Variants in CENPN observed in about 807,000 individuals in gnomAD.
CENPN encodes the protein centromere protein N, also known as interphase centromere complex protein 32.
A neutral mutation model predicts 48.6 loss-of-function variants in CENPN; 36 were observed. The ratio of observed to expected loss-of-function variants is 0.74; its 90% CI spans 0.57 to 0.98. The LOEUF (loss-of-function observed/expected upper bound fraction) is 0.98, where lower values mean the gene tolerates loss of function less well. Among genes scored for constraint, CENPN ranks in the 50% least tolerant of loss-of-function variants. The pLI, the probability that CENPN is intolerant of heterozygous loss-of-function variation, is 0.00. For synonymous variants in CENPN, 166 were observed against 135.2 expected (o/e 1.23, Z -1.58); for missense variants, 439 against 399.2 (o/e 1.10, Z -0.85).
intron 1 of CENPN, among the ~76,000 whole-genome samples, chr16:81,007,656 A>G (rs3826049): frequency 0.021 from 3,135 of 152,162 alleles, 179 homozygotes; most frequent in East Asian, 0.2. Flanking sequence ...TTGTCCCTGT[A>G]CCCTCTTGCG....
intron 3 of CENPN, among the ~76,000 whole-genome samples, chr16:81,016,560 G>A (rs976068172): frequency 3.9e-5 from 6 of 152,158 alleles, no homozygotes; most frequent in Non-Finnish European, 5.9e-5. Context: ...TCAGGAGTTC[G>A]ACACTAACCT....
In CENPN at chr16:81,020,206, A is replaced by G; in HGVS notation, c.461A>G (p.Tyr154Cys). 6.2e-7 allele frequency: 1 copy of G among 1,614,144 alleles called. No homozygotes were observed. Among genetic ancestry groups the G allele is most frequent in the Non-Finnish European group, 8.5e-7 (1 of 1,180,026 alleles). The change falls in exon 6 of 11, where the codon TAC (tyrosine) becomes TGC (cysteine). Residue 154 changes from tyrosine (Y) to cysteine (C), a missense_variant. Tyr to Cys is a radical substitution (Grantham distance 194, BLOSUM62 -2). Transcript: ENST00000305850. ...PNQYKPTYVV[Y>C]YSQTPYAFTS... ...CAGTACAAACCTACCTACGTGGTGTACTACTCCCAGACTCCGTACGCCTTC... is the reference window on the plus strand; with the variant it reads ...CAGTACAAACCTACCTACGTGGTGTGCTACTCCCAGACTCCGTACGCCTTC...
intron 2 of CENPN, among the ~76,000 whole-genome samples, chr16:81,012,432 G>A (rs1222115206): frequency 1.3e-5 from 2 of 152,124 alleles, no homozygotes; most frequent in African/African-American, 4.8e-5. Flanking sequence ...ACACCCAGAT[G>A]TATTGGCAAA....
intron 6 of CENPN, among the ~76,000 whole-genome samples, chr16:81,021,816 G>A (rs1179392023): frequency 2.6e-5 from 4 of 151,710 alleles, no homozygotes; most frequent in Admixed American, 1.3e-4. Flanking sequence ...GTGCAGTGGG[G>A]CGATCTTGGC....
intron 1 of CENPN, 115 bp from the exon 2 acceptor site, chr16:81,011,815 C>T: frequency 2.4e-6 from 2 of 823,492 alleles, no homozygotes; most frequent in Non-Finnish European, 3.7e-6. Flanking sequence ...CCAACGTGGG[C>T]AATCTAGTGA....
At position 81,028,825 on chromosome 16, in the gene CENPN, G is replaced by T. The variant is rs1181691381; in HGVS notation, c.*174G>T. The T allele has an allele frequency of 1.8e-5, 25 of 1,384,326 alleles. 1 individual carries two copies. The Admixed American group carries it at 8.0e-4, about 45-fold the overall frequency. 85.8% of individuals were successfully genotyped at this position (1,384,326 alleles called of 1,614,324 possible). A position where few individuals can be genotyped will look rare whatever the true frequency, so the allele number is the denominator to read the frequency against. Reference sequence around the variant, plus strand: ...GGACTGATTCATTCCTCCACGATATGCCTCCTCTCTCTGATATCCTGCTAA... The same window carrying T: ...GGACTGATTCATTCCTCCACGATATTCCTCCTCTCTCTGATATCCTGCTAA... On this transcript the variant is annotated 3_prime_UTR_variant, in exon 11 of 11. Coordinates refer to ENST00000305850, the MANE Select transcript of CENPN (RefSeq NM_001100624.3).
chr16:81,008,495 C>T (rs1004304913), intron 1 of CENPN, among the ~76,000 whole-genome samples: 24 of 152,080 alleles, frequency 1.6e-4, no homozygotes, highest in African/African-American at 5.6e-4. Context: ...CCTCAGCCTC[C>T]CGAGTAGCTG....
intron 7 of CENPN, 29 bp downstream of exon 7, chr16:81,022,727 G>C: frequency 6.2e-7 from 1 of 1,613,976 alleles, no homozygotes; most frequent in Non-Finnish European, 8.5e-7. Flanking sequence ...CTCTTTAAAG[G>C]TAAATCTTTA....
chr16:81,024,657 T>A (rs1970379100), intron 7 of CENPN, 58 bp from the exon 8 acceptor site: 8 of 1,138,886 alleles, frequency 7.0e-6, no homozygotes, highest in East Asian at 2.5e-5. Flanking sequence ...AAAAAAAAAA[T>A]TAATATCTGT....
chr16:81,010,510 G>T (rs758592778), intron 1 of CENPN, among the ~76,000 whole-genome samples: 1 of 152,214 alleles, frequency 6.6e-6, no homozygotes, highest in Non-Finnish European at 1.5e-5. Context: ...GGCAGGAGAA[G>T]TGAGGGAGGA....
intron 8 of CENPN, 48 bp downstream of exon 8, chr16:81,024,826 CT>C (rs759327064): frequency 7.4e-6 from 9 of 1,208,730 alleles, no homozygotes; most frequent in African/African-American, 1.5e-5. Context: ...GCATCATTCC[CT>C]TATAGATTTC....
intron 1 of CENPN, among the ~76,000 whole-genome samples, chr16:81,010,033 T>C (rs1315346776): frequency 6.6e-6 from 1 of 152,136 alleles, no homozygotes; most frequent in Non-Finnish European, 1.5e-5. Flanking sequence ...ACCATGTCTC[T>C]ACTAAAGATA....
At chr16:81,011,724 C>T (rs1436617187) in intron 1 of CENPN, among the ~76,000 whole-genome samples, 1 of 152,154 alleles carries the variant, frequency 6.6e-6, no homozygotes, top group African/African-American at 2.4e-5. Flanking sequence ...TGCCGATGGC[C>T]AGGCGCAGTA....
At chr16:81,011,809 C>T (rs1170882954) in intron 1 of CENPN, 121 bp from the exon 2 acceptor site, 6 of 769,958 alleles carry the variant, frequency 7.8e-6, no homozygotes, top group South Asian at 2.0e-5. Context: ...TCAAGACCAA[C>T]GTGGGCAATC....
intron 2 of CENPN, 105 bp downstream of exon 2, chr16:81,012,215 A>G (rs925078866): frequency 2.9e-5 from 29 of 990,390 alleles, no homozygotes; most frequent in Non-Finnish European, 4.3e-5. Context: ...CTGCTAAACT[A>G]CTAGTGAAGT....
rs1425398455 is a variant in CENPN, at chr16:81,026,861, GCTCACTGCAACCTCTGC to G, written c.810+227_810+243del. Among the ~76,000 whole-genome samples, 3 of 152,144 alleles carry G rather than the reference GCTCACTGCAACCTCTGC, an allele frequency of 2.0e-5. No homozygotes were observed. In the South Asian group the frequency reaches 6.2e-4, roughly 32 times the overall value. Reference sequence around the variant, plus strand: ...TTATGAATCTGGGCTGGGCGTGATGGCTCACTGCAACCTCTGCCTCCCAGGTTCAAGCAATTCTCCTG... The same window carrying G: ...TTATGAATCTGGGCTGGGCGTGATGGCTCCCAGGTTCAAGCAATTCTCCTG... On this transcript the variant is annotated intron_variant, in intron 9 of 10. Transcript: ENST00000305850.
chr16:81,022,381 G>A, intron 6 of CENPN: 1 of 483,006 alleles, frequency 2.1e-6, no homozygotes, highest in Admixed American at 3.8e-5. Context: ...GCTTTTCTAA[G>A]AAATGATACA....
chr16:81,030,267 C>CT lies in CENPN; in HGVS notation c.*1619dup. ...TTTTTTAAACATTTTAAAATCTATT[C>CT]TTTATCTTGTTTCAGAGAGGATTTG... is the stretch of plus-strand genomic sequence containing the variant. On this transcript the variant is annotated 3_prime_UTR_variant, in exon 11 of 11. Coordinates refer to ENST00000305850, the MANE Select transcript of CENPN (RefSeq NM_001100624.3). 2 of 985,390 alleles carry CT rather than the reference C, an allele frequency of 2.0e-6. No homozygotes were observed. The highest frequency in any genetic ancestry group is 2.4e-6 in the Non-Finnish European group (2 of 829,910). 61.0% of individuals were successfully genotyped at this position (985,390 alleles called of 1,614,324 possible). A position where few individuals can be genotyped will look rare whatever the true frequency, so the allele number is the denominator to read the frequency against.
chr16:81,020,072 T>A, intron 5 of CENPN, 28 bp from the exon 6 acceptor site: 1 of 1,491,324 alleles, frequency 6.7e-7, no homozygotes, highest in Non-Finnish European at 8.9e-7. Context: ...ATTAGGAAAT[T>A]AAGCCTTTTT....
Sources: gnomAD v4.1 joint callset for allele counts (sites outside exome capture counted in the v4.1 genomes callset) on GRCh38, gnomAD v4.1.1 for gene constraint, MANE v1.5 for transcripts, NCBI Gene and HGNC (gene_info 2026-07-23, HGNC 2026-07-21) for gene names.